FAT3: variants seen among roughly 807,000 people sequenced by gnomAD.
FAT3 encodes protocadherin Fat 3.
FAT3 carries 95 observed loss-of-function variants against 310.2 expected under a neutral mutation model. The observed-to-expected ratio is 0.31, with a 90% confidence interval of 0.26 to 0.36. The LOEUF is 0.36. Ranked by LOEUF, FAT3 falls within the 10% of genes least tolerant of loss-of-function variation. The pLI is 1.00. For missense variants in FAT3, 5,408 were observed against 5,715.6 expected (o/e 0.95, Z 1.74); for synonymous variants, 2,314 against 2,192.9 (o/e 1.06, Z -1.54).
chr11:92,694,194 A>C (rs540434204), intron 3 of FAT3, among the ~76,000 whole-genome samples: 1 of 152,318 alleles, frequency 6.6e-6, no homozygotes, highest in African/African-American at 2.4e-5. Flanking sequence ...GAAACCTTGT[A>C]CCCATTAGCA....
chr11:92,235,287 C>T (rs1864372258), intron 1 of FAT3, among the ~76,000 whole-genome samples: 1 of 152,170 alleles, frequency 6.6e-6, no homozygotes, highest in Non-Finnish European at 1.5e-5. Context: ...TCCCAACCCT[C>T]TCTAGTTCCT....
At chr11:92,601,769 G>A (rs969464154) in intron 3 of FAT3, among the ~76,000 whole-genome samples, 4 of 152,124 alleles carry the variant, frequency 2.6e-5, no homozygotes, top group East Asian at 1.9e-4. Flanking sequence ...CTACTTCTCC[G>A]TTTGTCCTTC....
chr11:92,804,175 G>A (rs748407371), intron 10 of FAT3, among the ~76,000 whole-genome samples: 6 of 152,114 alleles, frequency 3.9e-5, no homozygotes, highest in Non-Finnish European at 7.4e-5. Flanking sequence ...AGATATTTTT[G>A]CTGGTTTTGT....
chr11:92,868,199 A>G (rs1949295857), intron 22 of FAT3, among the ~76,000 whole-genome samples: 1 of 152,184 alleles, frequency 6.6e-6, no homozygotes, highest in African/African-American at 2.4e-5. Flanking sequence ...GCACATTACC[A>G]TCTAATGTTC....
At chr11:92,785,295 G>C (rs1946858710) in intron 7 of FAT3, among the ~76,000 whole-genome samples, 1 of 152,042 alleles carries the variant, frequency 6.6e-6, no homozygotes, top group South Asian at 2.1e-4. Context: ...ATTTAATGGA[G>C]AATAACTAGA....
rs1181120943 is a variant in FAT3 at position 92,799,872 on chromosome 11, T to A, written c.6859T>A (p.Phe2287Ile). 9 of 1,613,216 alleles carry A rather than the reference T, an allele frequency of 5.6e-6. No homozygotes were observed. The highest frequency in any genetic ancestry group is 6.8e-6 in the Non-Finnish European group (8 of 1,179,612). The change falls in exon 10 of 28, where the codon TTC becomes ATC. Residue 2287 changes from phenylalanine to isoleucine, a missense_variant. By Grantham distance (21) the Phe-to-Ile change is conservative (BLOSUM62 0). Around this residue, in one of 5 missense-constraint regions of FAT3, gnomAD observed 4,588 missense variants for 4,809.8 expected, o/e 0.95. Coordinates refer to ENST00000525166, the MANE Select transcript of FAT3 (RefSeq NM_001367949.2). Reference protein sequence around the residue: ...VNDVNDNPPIFDQPTYNTTLS... With the variant: ...VNDVNDNPPIIDQPTYNTTLS... ...TGATGTAAATGACAACCCCCCTATT[T>A]TCGATCAGCCTACATACAATACAAC... is the stretch of plus-strand genomic sequence containing the variant.
chr11:92,550,114 C>T (rs1047864963), intron 3 of FAT3, among the ~76,000 whole-genome samples: 4 of 152,104 alleles, frequency 2.6e-5, no homozygotes, highest in Non-Finnish European at 4.4e-5. Flanking sequence ...AATTAAAAGC[C>T]AATTTTTGTT....
At position 92,895,862 on chromosome 11, in the gene FAT3, G is replaced by A. The variant is rs529398093; in HGVS notation, c.*4749G>A. 6.6e-6 allele frequency: 1 copy of A among 152,036 alleles called. No individual in the cohort carries two copies. Among genetic ancestry groups the A allele is most frequent in the East Asian group, 1.9e-4 (1 of 5,176 alleles). The allele number at this position is 152,036 out of a possible 1,614,324, so 9.4% of individuals were successfully genotyped here. ...GCCTATCAGGATGCTTTAATTTGGG[G>A]GGTCGAATATAATTGTAAGTCATCC... On this transcript the variant is annotated 3_prime_UTR_variant, in exon 28 of 28. Transcript: ENST00000525166.
chr11:92,800,456 G>A lies in FAT3; in HGVS notation c.7443G>A (p.Gln2481=). 2 of 1,614,008 alleles carry A rather than the reference G, an allele frequency of 1.2e-6. No homozygotes were observed. Among genetic ancestry groups the A allele is most frequent in the Non-Finnish European group, 1.7e-6 (2 of 1,179,880 alleles). ...VSDGLFTSTA[Q]VHIRVLGANL... is the part of the protein sequence containing the mutation. ...ATGGGTTGTTCACCAGCACTGCACAGGTGCATATTAGGGTACTTGGGGCTA... is the reference window on the plus strand; with the variant it reads ...ATGGGTTGTTCACCAGCACTGCACAAGTGCATATTAGGGTACTTGGGGCTA... Residue 2481 remains glutamine, a synonymous_variant, in exon 10 of 28, where the codon CAG becomes CAA. Transcript: ENST00000525166.
chr11:92,462,362 C>A (rs1951658505), intron 2 of FAT3, among the ~76,000 whole-genome samples: 1 of 152,108 alleles, frequency 6.6e-6, no homozygotes, highest in African/African-American at 2.4e-5. Flanking sequence ...CTATCGTTCC[C>A]TTCTCTGTGT....
At chr11:92,725,075 T>C (rs1218469847) in intron 4 of FAT3, among the ~76,000 whole-genome samples, 1 of 152,148 alleles carries the variant, frequency 6.6e-6, no homozygotes, top group Non-Finnish European at 1.5e-5. Context: ...TCCAATTGAC[T>C]AATGTTAGAG....
rs1464848153 is a variant in FAT3 at position 92,705,775 on chromosome 11, T to TG, written c.3669+8332dup. Among the ~76,000 whole-genome samples the TG allele has an allele frequency of 2.6e-3, 13 of 5,008 alleles. 1 individual carries two copies. The highest frequency in any genetic ancestry group is 4.3e-3 in the Non-Finnish European group (11 of 2,572). 3.3% of individuals were successfully genotyped at this position (5,008 alleles called of 152,430 possible). A position where few individuals can be genotyped will look rare whatever the true frequency, so the allele number is the denominator to read the frequency against. On this transcript the variant is annotated intron_variant, in intron 4 of 27. Transcript: ENST00000525166. ...TGGTGCTGTGATGGTGTGATGGTGGTGGTGATGGTGGTGGTGTGATGGTGT... is the reference window on the plus strand; with the variant it reads ...TGGTGCTGTGATGGTGTGATGGTGGTGGGTGATGGTGGTGGTGTGATGGTGT...
Position 92,753,798 on chromosome 11 carries a change from G to GTGTGTGTGTATATATATATATATATA in FAT3, c.3670-8057_3670-8056insGTGTGTGTATATATATATATATATAT. 2.9e-4 allele frequency among the ~76,000 whole-genome samples: 35 copies of GTGTGTGTGTATATATATATATATATA among 119,172 alleles called. 2 individuals are homozygous for GTGTGTGTGTATATATATATATATATA. Among genetic ancestry groups the GTGTGTGTGTATATATATATATATATA allele is most frequent in the East Asian group, 2.7e-3 (12 of 4,410 alleles). The allele number at this position is 119,172 out of a possible 152,430, so 78.2% of individuals were successfully genotyped here. On this transcript the variant is annotated intron_variant, in intron 4 of 27. Coordinates refer to ENST00000525166, the MANE Select transcript of FAT3 (RefSeq NM_001367949.2). ...GGTGTGTGTGTGTGTGTGTGTGTGTGTATATATATATGGTGGAATACTACT... is the reference window on the plus strand; with the variant it reads ...GGTGTGTGTGTGTGTGTGTGTGTGTGTGTGTGTGTATATATATATATATATATATATATATATGGTGGAATACTACT...
At chr11:92,258,372 C>T (rs1214160557) in intron 1 of FAT3, among the ~76,000 whole-genome samples, 1 of 152,090 alleles carries the variant, frequency 6.6e-6, no homozygotes, top group Non-Finnish European at 1.5e-5. Context: ...TCCAAGGGAT[C>T]AAAGTGCTGT....
chr11:92,770,295 A>T (rs1946426811), intron 6 of FAT3, among the ~76,000 whole-genome samples: 1 of 152,212 alleles, frequency 6.6e-6, no homozygotes, highest in Admixed American at 6.5e-5. Flanking sequence ...TAGTTTTAAG[A>T]AAATGAATCC....
In FAT3 at chr11:92,852,088, A is replaced by T. The variant is rs145944143; in HGVS notation, c.11366-5126A>T. On this transcript the variant is annotated intron_variant, in intron 19 of 27. Coordinates refer to ENST00000525166, the MANE Select transcript of FAT3 (RefSeq NM_001367949.2). ...GGAAAGAGGGTTGCTATCCCCAGAA[A>T]AGTGTTTCCTGGACCCAGACATGGG... Among the ~76,000 whole-genome samples, 561 of 152,272 alleles carry T rather than the reference A, an allele frequency of 3.7e-3. 3 individuals carry two copies. The highest frequency in any genetic ancestry group is 0.013 in the African/African-American group (534 of 41,552).
intron 1 of FAT3, among the ~76,000 whole-genome samples, chr11:92,232,901 G>A (rs1254790715): frequency 6.6e-6 from 1 of 151,874 alleles, no homozygotes; most frequent in Non-Finnish European, 1.5e-5. Flanking sequence ...TTTACCTGAT[G>A]GCAGAATTTA....
At chr11:92,593,906 G>A (rs576989131) in intron 3 of FAT3, among the ~76,000 whole-genome samples, 2 of 152,156 alleles carry the variant, frequency 1.3e-5, no homozygotes, top group African/African-American at 2.4e-5. Flanking sequence ...AGTCACATAT[G>A]TTCCCACTTC....
At chr11:92,765,800 G>C (rs760695720) in intron 6 of FAT3, among the ~76,000 whole-genome samples, 1 of 147,566 alleles carries the variant, frequency 6.8e-6, no homozygotes, top group Non-Finnish European at 1.5e-5. Flanking sequence ...GGGGGGGGTT[G>C]TTTTGACTTT....
Sources: allele counts gnomAD v4.1 joint callset (sites outside exome capture counted in the v4.1 genomes callset), GRCh38; gene constraint gnomAD v4.1.1; regional missense constraint gnomAD v4.1.1; transcripts MANE v1.5; gene names NCBI Gene and HGNC (gene_info 2026-07-23, HGNC 2026-07-21).